POLR3A: variants seen among roughly 807,000 people sequenced by gnomAD.
POLR3A encodes DNA-directed RNA polymerase III subunit RPC1.
POLR3A carries 112 observed loss-of-function variants against 152.8 expected under a neutral mutation model. That is an observed-to-expected ratio of 0.73 (90% confidence interval 0.63 to 0.86). The LOEUF (loss-of-function observed/expected upper bound fraction) is 0.86, where lower values mean the gene tolerates loss of function less well. POLR3A is among the 40% of genes least tolerant of loss of function. The pLI is 0.00. For missense variants in POLR3A, 1,385 were observed against 1,743.1 expected, an observed-to-expected ratio of 0.79 and a Z score of 3.66; for synonymous variants, 615 against 652.1, an observed-to-expected ratio of 0.94 and a Z score of 0.87.
intron 17 of POLR3A, 109 bp from the exon 18 acceptor site, chr10:78,001,203 T>G (rs1465132892): frequency 6.0e-6 from 4 of 666,596 alleles, no homozygotes; most frequent in African/African-American, 1.8e-5. Flanking sequence ...CTCAATGAGG[T>G]CATGGTCCTG....
In POLR3A at chr10:78,025,728, G is replaced by C. The variant is rs748188059; in HGVS notation, c.212C>G (p.Thr71Ser). 4.3e-6 allele frequency: 7 copies of C among 1,614,022 alleles called. No individual in the cohort carries two copies. The highest frequency in any genetic ancestry group is 5.9e-6 in the Non-Finnish European group (7 of 1,179,954). ...ACAGTCAGCCAAGTTTTTCCCACAG[G>C]TTTCACATGGACGATCCTTCTCACT... ...GTSEKDRPCE[T>S]CGKNLADCLG... The change falls in exon 3 of 31, where the codon ACC becomes AGC. Residue 71 changes from threonine to serine, a missense_variant. This residue lies in a region of POLR3A where 493 missense variants were observed against 647.5 expected (regional missense o/e 0.76). Transcript: ENST00000372371.
At chr10:77,979,875 C>T (rs980070348) in intron 30 of POLR3A, among the ~76,000 whole-genome samples, 1 of 152,094 alleles carries the variant, frequency 6.6e-6, no homozygotes, top group African/African-American at 2.4e-5. Flanking sequence ...TCTTACATGC[C>T]CAGGGTTGCT....
chr10:78,028,442 C>A (rs1847658297), intron 1 of POLR3A, among the ~76,000 whole-genome samples: 1 of 152,148 alleles, frequency 6.6e-6, no homozygotes, highest in African/African-American at 2.4e-5. Flanking sequence ...TTTATTCAGA[C>A]CGTATCTTTA....
intron 18 of POLR3A, 32 bp from the exon 19 acceptor site, chr10:78,000,150 CAA>C: frequency 6.2e-7 from 1 of 1,611,200 alleles, no homozygotes; most frequent in Non-Finnish European, 8.5e-7. Context: ...AAAAATCAAA[CAA>C]AAAAAGTTCA....
intron 10 of POLR3A, among the ~76,000 whole-genome samples, chr10:78,014,870 G>T (rs1329584855): frequency 6.6e-6 from 1 of 152,078 alleles, no homozygotes; most frequent in African/African-American, 2.4e-5. Flanking sequence ...TTAACAAGCG[G>T]GTATTTTCCA....
chr10:77,978,162 T>A (rs1256483372), intron 30 of POLR3A, among the ~76,000 whole-genome samples: 2 of 152,218 alleles, frequency 1.3e-5, no homozygotes, highest in South Asian at 4.1e-4. Flanking sequence ...ACAGCCCTGA[T>A]GAGAAACACC....
intron 8 of POLR3A, among the ~76,000 whole-genome samples, chr10:78,021,242 C>T (rs1847576028): frequency 6.6e-6 from 1 of 152,178 alleles, no homozygotes; most frequent in African/African-American, 2.4e-5. Flanking sequence ...ATTGGGATTA[C>T]AGGCATTAGC....
chr10:77,982,088 G>T, intron 28 of POLR3A, 66 bp downstream of exon 28: 2 of 999,330 alleles, frequency 2.0e-6, no homozygotes, highest in Non-Finnish European at 1.6e-6. Context: ...GGAATCAGTG[G>T]AAGGCCTGCA....
chr10:77,991,984 T>G (rs913201416), intron 20 of POLR3A, among the ~76,000 whole-genome samples: 1 of 152,226 alleles, frequency 6.6e-6, no homozygotes, highest in Non-Finnish European at 1.5e-5. Flanking sequence ...TTGGCATAGT[T>G]AGACCATTTC....
chr10:77,981,790 C>T (rs1052364709), intron 28 of POLR3A, among the ~76,000 whole-genome samples: 4 of 148,226 alleles, frequency 2.7e-5, no homozygotes, highest in Non-Finnish European at 4.4e-5. Context: ...TTTGGGAGGC[C>T]GAGGCGGGCG....
At chr10:77,997,706 T>C (rs1247570971) in intron 19 of POLR3A, among the ~76,000 whole-genome samples, 2 of 152,016 alleles carry the variant, frequency 1.3e-5, no homozygotes, top group African/African-American at 2.4e-5. Flanking sequence ...GAAGAATCAA[T>C]ATCGTGAAAA....
At chr10:78,026,039 C>T in intron 2 of POLR3A, 55 bp downstream of exon 2, 8 of 1,606,214 alleles carry the variant, frequency 5.0e-6, no homozygotes, top group Non-Finnish European at 6.8e-6. Context: ...TGGTAAGTCA[C>T]CAGTTTTATC....
rs1228448494 is a variant in POLR3A, at chr10:77,975,966, T to A, written c.*1512A>T. ...CCTTTGTCCTAAACCAGGCTCTAGC[T>A]CAATTCAAAGATAAAGGGGGGTTAA... On this transcript the variant is annotated 3_prime_UTR_variant, in exon 31 of 31. Transcript: ENST00000372371. 6.6e-6 allele frequency: 1 copy of A among 151,948 alleles called. No individual in the cohort carries two copies. The highest frequency in any genetic ancestry group is 1.5e-5 in the Non-Finnish European group (1 of 68,000). 9.4% of individuals were successfully genotyped at this position (151,948 alleles called of 1,614,324 possible). A position where few individuals can be genotyped will look rare whatever the true frequency, so the allele number is the denominator to read the frequency against.
chr10:77,985,867 T>C (rs1459336722), intron 23 of POLR3A, 36 bp downstream of exon 23: 7 of 1,492,824 alleles, frequency 4.7e-6, no homozygotes, highest in Non-Finnish European at 6.5e-6. Flanking sequence ...GAGACCTATG[T>C]GGATGACCGT....
In POLR3A at chr10:77,978,856, G is replaced by T. The variant is rs1019742318; in HGVS notation, c.4025-1230C>A. Reference sequence around the variant, plus strand: ...TTATATTTTTTTTAGTAGAGACGGGGTCTCACCATCTTGGCCAGGTTGGTC... The same window carrying T: ...TTATATTTTTTTTAGTAGAGACGGGTTCTCACCATCTTGGCCAGGTTGGTC... On this transcript the variant is annotated intron_variant, in intron 30 of 30. Coordinates refer to ENST00000372371, the MANE Select transcript of POLR3A (RefSeq NM_007055.4). Among the ~76,000 whole-genome samples the T allele has an allele frequency of 5.3e-5, 8 of 151,362 alleles. No homozygotes were observed. The East Asian group carries it at 7.8e-4, about 15-fold the overall frequency.
intron 16 of POLR3A, 49 bp from the exon 17 acceptor site, chr10:78,002,357 T>C (rs1847365833): frequency 8.6e-7 from 1 of 1,158,544 alleles, no homozygotes; most frequent in South Asian, 1.3e-5. Flanking sequence ...ATTGTCTCTG[T>C]GGATTACAAA....
chr10:78,022,535 G>T, intron 5 of POLR3A, 151 bp from the exon 6 acceptor site: 1 of 820,324 alleles, frequency 1.2e-6, no homozygotes, highest in Non-Finnish European at 1.9e-6. Flanking sequence ...TGCTGCAAGA[G>T]CCTTAAAATT....
At chr10:77,993,441 C>T (rs1847269139) in intron 19 of POLR3A, 74 bp from the exon 20 acceptor site, 1 of 1,060,818 alleles carries the variant, frequency 9.4e-7, no homozygotes, top group Non-Finnish European at 1.5e-6. Flanking sequence ...AGATTTGCAA[C>T]TCAAGAGTCT....
Position 78,004,471 on chromosome 10 carries a change from T to G in POLR3A, c.2247+245A>C, listed in dbSNP as rs567946498. Among the ~76,000 whole-genome samples the G allele has an allele frequency of 4.6e-5, 7 of 152,116 alleles. No individual in the cohort carries two copies. The East Asian group carries it at 1.4e-3, about 29-fold the overall frequency. ...CTGGATGTGAAAGTTAGGAGGGACA[T>G]GAGGATCTGATGAAAGGCCCTACCC... On this transcript the variant is annotated intron_variant, in intron 16 of 30. Coordinates refer to ENST00000372371, the MANE Select transcript of POLR3A (RefSeq NM_007055.4).
Sources: allele counts gnomAD v4.1 joint callset (sites outside exome capture counted in the v4.1 genomes callset), GRCh38; gene constraint gnomAD v4.1.1; regional missense constraint gnomAD v4.1.1; transcripts MANE v1.5; gene names NCBI Gene and HGNC (gene_info 2026-07-23, HGNC 2026-07-21).